TEX15: variants seen among roughly 807,000 people sequenced by gnomAD.
The protein encoded by TEX15 is testis expressed 15, meiosis and synapsis associated, also known as testis-expressed protein 15.
In TEX15, 171 loss-of-function variants were observed where a neutral mutation model predicts 237.3. That is an observed-to-expected ratio of 0.72 (90% CI 0.64 to 0.82). The LOEUF (loss-of-function observed/expected upper bound fraction) is 0.82, where lower values mean the gene tolerates loss of function less well. Among genes scored for constraint, TEX15 ranks in the 40% least tolerant of loss-of-function variants. TEX15 has a pLI of 0.00. For synonymous variants in TEX15, 1,338 were observed against 1,269.8 expected (o/e 1.05, Z -1.14); for missense variants, 3,750 against 3,646.5 (o/e 1.03, Z -0.73).
At chr8:30,879,717 ACTT>A (rs1298297330) in intron 3 of TEX15, among the ~76,000 whole-genome samples, 3 of 152,116 alleles carry the variant, frequency 2.0e-5, no homozygotes, top group Non-Finnish European at 2.9e-5. Context: ...ATTTCCATAT[ACTT>A]CTTCTATTTC....
chr8:30,848,407 G>A lies in TEX15; in HGVS notation c.1760C>T (p.Ser587Phe). 6.2e-7 allele frequency: 1 copy of A among 1,614,124 alleles called. No homozygotes were observed. The highest frequency in any genetic ancestry group is 8.5e-7 in the Non-Finnish European group (1 of 1,180,022). Residue 587 changes from serine (S) to phenylalanine (F), a missense_variant, in exon 8 of 11, where the codon TCT (serine) becomes TTT (phenylalanine). By Grantham distance (155) the Ser-to-Phe change is radical. Transcript: ENST00000643185. ...SSHIFQDSQS[S>F]DLKTIYQTGC... ...AGTCTGATAAATTGTTTTTAAATCA[G>A]AAGACTGCGAGTCCTGAAAAATGTG...
Position 30,839,845 on chromosome 8 carries a change from T to C in TEX15, c.8222+61A>G. ...ATAAATAATTGTGTTATTCTAGTTGTTTAGTATTTGCCCAATTTTGTTCAA... is the reference window on the plus strand; with the variant it reads ...ATAAATAATTGTGTTATTCTAGTTGCTTAGTATTTGCCCAATTTTGTTCAA... On this transcript the variant is annotated intron_variant, in intron 9 of 10. Transcript: ENST00000643185. The C allele has an allele frequency of 1.9e-6, 2 of 1,047,246 alleles. 1 individual carries two copies. Among genetic ancestry groups the C allele is most frequent in the East Asian group, 5.0e-5 (2 of 40,120 alleles). The allele number at this position is 1,047,246 out of a possible 1,614,324, so 64.9% of individuals were successfully genotyped here.
intron 1 of TEX15, among the ~76,000 whole-genome samples, chr8:30,906,311 C>A (rs564536773): frequency 6.6e-6 from 1 of 151,992 alleles, no homozygotes; most frequent in African/African-American, 2.4e-5. Context: ...AGCAGCTGGG[C>A]GCAGTGGCTC....
At position 30,841,980 on chromosome 8, in the gene TEX15, AGTTTT is replaced by A. The variant is rs1205900677; in HGVS notation, c.8163+19_8163+23del. Reference sequence around the variant, plus strand: ...TGTTTTCAAAAAGAATACTTATAAAAGTTTTGTTTTAAAACATACATACCTTTAGC... The same window carrying A: ...TGTTTTCAAAAAGAATACTTATAAAAGTTTTAAAACATACATACCTTTAGC... On this transcript the variant is annotated intron_variant, in intron 8 of 10. Transcript: ENST00000643185. 3.5e-5 allele frequency: 51 copies of A among 1,474,528 alleles called. No individual in the cohort carries two copies. The highest frequency in any genetic ancestry group is 4.5e-5 in the Non-Finnish European group (50 of 1,100,012). The allele number at this position is 1,474,528 out of a possible 1,614,324, so 91.3% of individuals were successfully genotyped here.
intron 4 of TEX15, among the ~76,000 whole-genome samples, chr8:30,874,636 G>C (rs968125056): frequency 6.6e-6 from 1 of 152,116 alleles, no homozygotes; most frequent in African/African-American, 2.4e-5. Context: ...TATCTAGGAG[G>C]TGTGAGGGAT....
At position 30,866,471 on chromosome 8, in the gene TEX15, T is replaced by C. The variant is rs139283450; in HGVS notation, c.540+794A>G. Among the ~76,000 whole-genome samples, 168 of 152,220 alleles carry C rather than the reference T, an allele frequency of 1.1e-3. 1 individual carries two copies. Among genetic ancestry groups the C allele is most frequent in the African/African-American group, 3.7e-3 (153 of 41,554 alleles). On this transcript the variant is annotated intron_variant, in intron 5 of 10. Transcript: ENST00000643185. ...CTAGAAAGTACAGAAAACTATATTG[T>C]CATGATCCAAAGATCATCACTCATA...
intron 2 of TEX15, among the ~76,000 whole-genome samples, chr8:30,896,867 A>G (rs1371952174): frequency 6.6e-6 from 1 of 152,208 alleles, no homozygotes; most frequent in Non-Finnish European, 1.5e-5. Context: ...TTTATTTTGA[A>G]GACTCTAAGA....
At chr8:30,897,729 C>T (rs1808932694) in intron 2 of TEX15, among the ~76,000 whole-genome samples, 1 of 152,196 alleles carries the variant, frequency 6.6e-6, no homozygotes, top group South Asian at 2.1e-4. Flanking sequence ...GGTACAATTA[C>T]AGTTCATTGT....
chr8:30,867,407 T>G lies in TEX15; in HGVS notation c.398A>C (p.Gln133Pro). The part of the protein sequence containing the change: ...LPQSDVAQIY[Q>P]NGISTRASTL... ...AGATGCTCTGGTACTTATTCCATTC[T>G]GATATATCTGGGCTACATCACTCTG... Residue 133 changes from glutamine to proline, a missense_variant, in exon 5 of 11, where the codon CAG (glutamine) becomes CCG (proline). By Grantham distance (76) the Gln-to-Pro change is moderately conservative. Transcript: ENST00000643185. 2.0e-6 allele frequency: 3 copies of G among 1,534,486 alleles called. No homozygotes were observed. Among genetic ancestry groups the G allele is most frequent in the Non-Finnish European group, 2.6e-6 (3 of 1,145,668 alleles).
intron 10 of TEX15, 31 bp from the exon 11 acceptor site, chr8:30,833,354 T>C (rs1224858656): frequency 6.5e-7 from 1 of 1,536,242 alleles, no homozygotes; most frequent in South Asian, 1.2e-5. Context: ...AAGATTTAAA[T>C]AAATAATTTA....
chr8:30,859,369 TAGA>T (rs1326643178), intron 6 of TEX15, among the ~76,000 whole-genome samples: 1 of 152,092 alleles, frequency 6.6e-6, no homozygotes, highest in Non-Finnish European at 1.5e-5. Context: ...TTGCAAAGTA[TAGA>T]AGATCAAAAT....
In TEX15 at chr8:30,846,098, T is replaced by C; in HGVS notation, c.4069A>G (p.Ile1357Val). The C allele has an allele frequency of 1.9e-6, 3 of 1,613,526 alleles. No individual in the cohort carries two copies. Among genetic ancestry groups the C allele is most frequent in the African/African-American group, 1.3e-5 (1 of 75,034 alleles). Residue 1357 changes from isoleucine to valine, a missense_variant, in exon 8 of 11, where the codon ATT becomes GTT. Ile to Val is a conservative substitution (Grantham distance 29). Coordinates refer to ENST00000643185, the MANE Select transcript of TEX15 (RefSeq NM_001350162.2). ...CTTAGGATATTTAGGACACTCTTAA[T>C]GTGCTTTTCTGACTGTGAAAATGTT... ...IKTFSQSEKH[I>V]KSVLNILSDE... is the part of the protein sequence containing the mutation.
At chr8:30,868,813 C>T (rs1220751836) in intron 4 of TEX15, among the ~76,000 whole-genome samples, 2 of 151,448 alleles carry the variant, frequency 1.3e-5, no homozygotes, top group East Asian at 3.9e-4. Context: ...ATAATGTAAA[C>T]CCTACAGCAG....
chr8:30,858,313 CT>C (rs869053902), intron 7 of TEX15, among the ~76,000 whole-genome samples: 233 of 143,382 alleles, frequency 1.6e-3, no homozygotes, highest in Non-Finnish European at 1.6e-3. Context: ...TTATCTTTTT[CT>C]TTTTTTTTTT....
At chr8:30,852,143 C>A (rs1316607906) in intron 7 of TEX15, among the ~76,000 whole-genome samples, 1 of 109,180 alleles carries the variant, frequency 9.2e-6, no homozygotes, top group East Asian at 2.8e-4. Flanking sequence ...GAGTCTCTGT[C>A]GCCCAGGCTG....
In TEX15 at chr8:30,837,489, G is replaced by A. The variant is rs755445651; in HGVS notation, c.8795C>T (p.Ser2932Leu). ...DIVNSSIKNS[S>L]CMTSPEPICI... Reference sequence around the variant, plus strand: ...GATGGGTTCTGGAGAAGTCATGCATGAGGAATTTTTAATAGATGAATTTAC... The same window carrying A: ...GATGGGTTCTGGAGAAGTCATGCATAAGGAATTTTTAATAGATGAATTTAC... Residue 2932 changes from serine (S) to leucine (L), a missense_variant, in exon 10 of 11, where the codon TCA becomes TTA. Transcript: ENST00000643185. The A allele has an allele frequency of 1.6e-5, 26 of 1,613,488 alleles. No homozygotes were observed. In the African/African-American group the frequency reaches 3.2e-4, roughly 20 times the overall value.
chr8:30,844,322 T>G lies in TEX15; in HGVS notation c.5845A>C (p.Lys1949Gln), dbSNP rs1480196752. The part of the protein sequence containing the change: ...TLHSEIAYIS[K>Q]PGILGVNHTP... Reference sequence around the variant, plus strand: ...TGATTAACTCCTAGAATTCCTGGTTTGGAAATATAGGCTATTTCTGAATGT... The same window carrying G: ...TGATTAACTCCTAGAATTCCTGGTTGGGAAATATAGGCTATTTCTGAATGT... The change falls in exon 8 of 11, where the codon AAA (lysine) becomes CAA (glutamine). Residue 1949 changes from lysine (K) to glutamine (Q), a missense_variant. Coordinates refer to ENST00000643185, the MANE Select transcript of TEX15 (RefSeq NM_001350162.2). The G allele has an allele frequency of 2.5e-6, 4 of 1,613,172 alleles. No homozygotes were observed. The highest frequency in any genetic ancestry group is 3.4e-6 in the Non-Finnish European group (4 of 1,179,524).
chr8:30,889,702 T>G (rs758947256), intron 2 of TEX15, among the ~76,000 whole-genome samples: 1 of 151,984 alleles, frequency 6.6e-6, no homozygotes, highest in Admixed American at 6.6e-5. Flanking sequence ...ACCTTTTAAG[T>G]AGGAATAACG....
At chr8:30,883,186 C>CT (rs1333557254) in intron 3 of TEX15, among the ~76,000 whole-genome samples, 5 of 152,006 alleles carry the variant, frequency 3.3e-5, no homozygotes, top group Non-Finnish European at 1.5e-5. Context: ...TCATAGCTCA[C>CT]TGCAGCCTTG....
Sources: gnomAD v4.1 joint callset for allele counts (sites outside exome capture counted in the v4.1 genomes callset) on GRCh38, gnomAD v4.1.1 for gene constraint, MANE v1.5 for transcripts, NCBI Gene and HGNC (gene_info 2026-07-23, HGNC 2026-07-21) for gene names.